Variants in ARHGAP12 observed in about 807,000 individuals in gnomAD.
ARHGAP12 encodes rho GTPase-activating protein 12.
A neutral mutation model predicts 108.6 loss-of-function variants in ARHGAP12; 64 were observed. The ratio of observed to expected loss-of-function variants is 0.59; its 90% CI spans 0.48 to 0.73. The LOEUF is 0.73. Among genes scored for constraint, ARHGAP12 ranks in the 30% least tolerant of loss-of-function variants. The probability of loss-of-function intolerance (pLI) is 0.00; values close to 1 mark genes in which losing one functional copy is unlikely to be tolerated. For synonymous variants in ARHGAP12, 312 were observed against 337.2 expected, an observed-to-expected ratio of 0.93 and a Z score of 0.82; for missense variants, 940 against 1,005.9, an observed-to-expected ratio of 0.93 and a Z score of 0.89.
At chr10:31,896,469 C>T (rs1023837173) in intron 3 of ARHGAP12, among the ~76,000 whole-genome samples, 2 of 151,994 alleles carry the variant, frequency 1.3e-5, no homozygotes, top group African/African-American at 2.4e-5. Flanking sequence ...ATCACTTTTT[C>T]TTCTGGCATC....
rs1411118820 is a variant in ARHGAP12, at chr10:31,861,538, C to A, written c.805G>T (p.Gly269Ter). 1 of 1,614,174 alleles carries A rather than the reference C, an allele frequency of 6.2e-7. No individual in the cohort carries two copies. Among genetic ancestry groups the A allele is most frequent in the Non-Finnish European group, 8.5e-7 (1 of 1,180,030 alleles). The stretch of plus-strand genomic sequence containing the variant: ...CTGTCTTTATGAGTTTCCCATTCTC[C>A]ATTAATCTGAATTGCCGGGCTCCCA... The part of the protein sequence containing the change: ...LPGSPAIQIN[G>*]EWETHKDSSG... The change falls in exon 4 of 20, where the codon GGA (glycine) becomes TGA (stop). Residue 269 changes from glycine (G) to a stop codon, truncating the protein, a stop_gained. Transcript: ENST00000344936. LOFTEE classifies it high-confidence loss of function.
At chr10:31,922,898 CAA>C (rs1159429173) in intron 1 of ARHGAP12, among the ~76,000 whole-genome samples, 1 of 151,980 alleles carries the variant, frequency 6.6e-6, no homozygotes, top group Non-Finnish European at 1.5e-5. Flanking sequence ...GAAGTCGAGA[CAA>C]GAGGATCACT....
At chr10:31,863,859 A>G (rs766971653) in intron 3 of ARHGAP12, among the ~76,000 whole-genome samples, 1 of 152,180 alleles carries the variant, frequency 6.6e-6, no homozygotes, top group Non-Finnish European at 1.5e-5. Flanking sequence ...AGATAGGAAC[A>G]GGTGACACTT....
At chr10:31,832,941 T>C (rs1438995615) in intron 9 of ARHGAP12, among the ~76,000 whole-genome samples, 1 of 152,180 alleles carries the variant, frequency 6.6e-6, no homozygotes, top group African/African-American at 2.4e-5. Context: ...TGTAATTTTT[T>C]CATAAAGCAC....
Position 31,805,648 on chromosome 10 carries a change from T to TCACACACACACACACA in ARHGAP12, c.*1994_*2009dup, listed in dbSNP as rs3028478. 2.1e-3 allele frequency: 304 copies of TCACACACACACACACA among 144,182 alleles called. 4 individuals carry two copies. Among genetic ancestry groups the TCACACACACACACACA allele is most frequent in the African/African-American group, 7.7e-3 (292 of 37,820 alleles). The allele number at this position is 144,182 out of a possible 1,614,324, so 8.9% of individuals were successfully genotyped here. ...GTAGACTAATAAAACATTTAAGACT[T>TCACACACACACACACA]CACACACACACACACACACACACAC... On this transcript the variant is annotated 3_prime_UTR_variant, in exon 20 of 20. Coordinates refer to ENST00000344936, the MANE Select transcript of ARHGAP12 (RefSeq NM_018287.7).
At position 31,810,757 on chromosome 10, in the gene ARHGAP12, AT is replaced by A; in HGVS notation, c.1952-11del. ...GATCCAAATACCTGATCTGAAAAAG[AT>A]TTATTTTTAAAAAGTCAATCACCTT... On this transcript the variant is annotated splice_polypyrimidine_tract_variant and intron_variant, in intron 15 of 19. Coordinates refer to ENST00000344936, the MANE Select transcript of ARHGAP12 (RefSeq NM_018287.7). The A allele has an allele frequency of 6.3e-7, 1 of 1,594,788 alleles. No homozygotes were observed. Among genetic ancestry groups the A allele is most frequent in the African/African-American group, 1.3e-5 (1 of 74,122 alleles).
At chr10:31,832,617 G>A (rs535170584) in intron 9 of ARHGAP12, among the ~76,000 whole-genome samples, 1 of 152,254 alleles carries the variant, frequency 6.6e-6, no homozygotes, top group African/African-American at 2.4e-5. Context: ...ATCTGTATGA[G>A]ACAATAGTCA....
intron 4 of ARHGAP12, among the ~76,000 whole-genome samples, chr10:31,856,893 C>T (rs891115668): frequency 6.6e-6 from 1 of 152,118 alleles, no homozygotes; most frequent in Non-Finnish European, 1.5e-5. Context: ...ATAGTCTTCA[C>T]TGGATCCTTC....
At chr10:31,831,437 C>T (rs1371966741) in intron 10 of ARHGAP12, among the ~76,000 whole-genome samples, 1 of 151,958 alleles carries the variant, frequency 6.6e-6, no homozygotes, top group Non-Finnish European at 1.5e-5. Flanking sequence ...TCACTCAATA[C>T]TTAGTCTACC....
rs1839241383 is a variant in ARHGAP12, at chr10:31,908,787, A to G, written c.69T>C (p.Tyr23=). 1 of 1,611,082 alleles carries G rather than the reference A, an allele frequency of 6.2e-7. No individual in the cohort carries two copies. Among genetic ancestry groups the G allele is most frequent in the Non-Finnish European group, 8.5e-7 (1 of 1,180,000 alleles). ...GQVYIEVEYD[Y]EYEAKDRKIV... ...TCTTTCTGTCCTTTGCTTCATATTCATAATCATATTCCACCTCAATATACA... is the reference window on the plus strand; with the variant it reads ...TCTTTCTGTCCTTTGCTTCATATTCGTAATCATATTCCACCTCAATATACA... The change falls in exon 3 of 20, where the codon TAT becomes TAC. Residue 23 remains tyrosine, a synonymous_variant. Transcript: ENST00000344936.
intron 7 of ARHGAP12, among the ~76,000 whole-genome samples, chr10:31,840,594 G>GT (rs1237640277): frequency 6.6e-6 from 1 of 151,922 alleles, no homozygotes; most frequent in Admixed American, 6.6e-5. Context: ...AAACCAAAAA[G>GT]TTCCTTTGAA....
In ARHGAP12 at chr10:31,810,024, T is replaced by C. The variant is rs184761916; in HGVS notation, c.2050+625A>G. Among the ~76,000 whole-genome samples, 299 of 152,284 alleles carry C rather than the reference T, an allele frequency of 2.0e-3. 1 individual carries two copies. The highest frequency in any genetic ancestry group is 2.0e-3 in the Non-Finnish European group (136 of 67,982). On this transcript the variant is annotated intron_variant, in intron 16 of 19. Coordinates refer to ENST00000344936, the MANE Select transcript of ARHGAP12 (RefSeq NM_018287.7). Reference sequence around the variant, plus strand: ...GTCAGTGGGACAAGAGATCTGTAACTGGCAGAAATTACAAATTGAATTATG... The same window carrying C: ...GTCAGTGGGACAAGAGATCTGTAACCGGCAGAAATTACAAATTGAATTATG...
chr10:31,892,399 T>C (rs576563577), intron 3 of ARHGAP12, among the ~76,000 whole-genome samples: 144 of 151,766 alleles, frequency 9.5e-4, no homozygotes, highest in African/African-American at 3.0e-3. Context: ...AGGCTCAAAA[T>C]AAAGGGATGG....
chr10:31,910,623 A>G (rs546494398), intron 1 of ARHGAP12, 60 bp from the exon 2 acceptor site: 1 of 152,376 alleles, frequency 6.6e-6, no homozygotes, highest in African/African-American at 2.4e-5. Context: ...CTAAGAATAT[A>G]ATGTTGCTTA....
chr10:31,922,048 G>A (rs377368473), intron 1 of ARHGAP12, among the ~76,000 whole-genome samples: 3 of 150,866 alleles, frequency 2.0e-5, no homozygotes, highest in South Asian at 2.1e-4. Flanking sequence ...AAAATTAGCC[G>A]GGTGTGGTTG....
At chr10:31,898,248 G>C (rs906697344) in intron 3 of ARHGAP12, among the ~76,000 whole-genome samples, 2 of 152,116 alleles carry the variant, frequency 1.3e-5, no homozygotes, top group South Asian at 4.1e-4. Context: ...TTAAAAATGT[G>C]CCAAGAATTT....
chr10:31,862,475 A>G (rs1437144987), intron 3 of ARHGAP12, among the ~76,000 whole-genome samples: 1 of 152,184 alleles, frequency 6.6e-6, no homozygotes, highest in Non-Finnish European at 1.5e-5. Flanking sequence ...TAGGTTACAC[A>G]GAACTTCAGT....
intron 15 of ARHGAP12, among the ~76,000 whole-genome samples, chr10:31,811,665 TTTTTA>T (rs71515537): frequency 6.7e-6 from 1 of 150,046 alleles, no homozygotes; most frequent in South Asian, 2.1e-4. Context: ...TTAAATACCT[TTTTTA>T]TTTTATTTTA....
At chr10:31,839,050 G>A (rs989414400) in intron 9 of ARHGAP12, among the ~76,000 whole-genome samples, 1 of 151,972 alleles carries the variant, frequency 6.6e-6, no homozygotes, top group African/African-American at 2.4e-5. Context: ...AAACCCAGAA[G>A]CCATTGAAGG....
Sources: gnomAD v4.1 joint callset for allele counts (sites outside exome capture counted in the v4.1 genomes callset) on GRCh38, gnomAD v4.1.1 for gene constraint, MANE v1.5 for transcripts, NCBI Gene and HGNC (gene_info 2026-07-23, HGNC 2026-07-21) for gene names.